FGF14: variants seen among roughly 807,000 people sequenced by gnomAD.
The protein encoded by FGF14 is fibroblast growth factor homologous factor 4.
In FGF14, 5 loss-of-function variants were observed where a neutral mutation model predicts 25.5. The ratio of observed to expected loss-of-function variants is 0.20; its 90% confidence interval spans 0.10 to 0.41. The LOEUF (loss-of-function observed/expected upper bound fraction) is 0.41. FGF14 is among the 10% of genes least tolerant of loss of function. FGF14 has a pLI of 1.00. For missense variants in FGF14, 222 were observed against 320.1 expected (o/e 0.69, Z 2.34); for synonymous variants, 138 against 118.3 (o/e 1.17, Z -1.08).
intron 1 of FGF14, among the ~76,000 whole-genome samples, chr13:102,281,956 T>C (rs2053857188): frequency 6.6e-6 from 1 of 152,140 alleles, no homozygotes; most frequent in South Asian, 2.1e-4. Flanking sequence ...GAAAATCATA[T>C]GTCCGTACTG....
At chr13:102,271,256 T>C (rs1026291969) in intron 1 of FGF14, among the ~76,000 whole-genome samples, 1 of 152,236 alleles carries the variant, frequency 6.6e-6, no homozygotes, top group Non-Finnish European at 1.5e-5. Flanking sequence ...TAACAATTTT[T>C]ATATCTCATA....
chr13:101,888,592 T>C (rs2138867451), intron 1 of FGF14, among the ~76,000 whole-genome samples: 1 of 152,202 alleles, frequency 6.6e-6, no homozygotes, highest in African/African-American at 2.4e-5. Flanking sequence ...AAGCTTACTC[T>C]GTTGCCTTAT....
At chr13:102,051,164 G>A (rs1202734120) in intron 1 of FGF14, among the ~76,000 whole-genome samples, 3 of 152,176 alleles carry the variant, frequency 2.0e-5, no homozygotes, top group Non-Finnish European at 2.9e-5. Context: ...GGGGCCCACA[G>A]TGTGAAACAT....
intron 1 of FGF14, among the ~76,000 whole-genome samples, chr13:102,036,223 A>G (rs2041466059): frequency 6.6e-6 from 1 of 152,160 alleles, no homozygotes; most frequent in Non-Finnish European, 1.5e-5. Context: ...TATGTCCATC[A>G]CATTTCTTAT....
chr13:101,912,369 C>T (rs992591180), intron 1 of FGF14, among the ~76,000 whole-genome samples: 3 of 152,138 alleles, frequency 2.0e-5, no homozygotes, highest in Admixed American at 2.0e-4. Flanking sequence ...CAAGAAACAA[C>T]TGCATTAGCA....
At chr13:101,844,527 A>C (rs114317190) in intron 3 of FGF14, among the ~76,000 whole-genome samples, 2,271 of 152,140 alleles carry the variant, frequency 0.015, 51 homozygotes, top group African/African-American at 0.051. Flanking sequence ...GCTCTCTTAC[A>C]GTATGGCTGA....
intron 1 of FGF14, among the ~76,000 whole-genome samples, chr13:102,000,261 G>A (rs2039416972): frequency 6.6e-6 from 1 of 152,186 alleles, no homozygotes; most frequent in South Asian, 2.1e-4. Flanking sequence ...GGAGCTTGCA[G>A]TGAGCTGAGA....
chr13:101,904,227 C>A (rs1171751119), intron 1 of FGF14, among the ~76,000 whole-genome samples: 1 of 152,194 alleles, frequency 6.6e-6, no homozygotes, highest in Non-Finnish European at 1.5e-5. Context: ...AGGGCTTTAC[C>A]AGCACCGACC....
chr13:102,324,087 G>GAAAAAGA (rs574663833), intron 1 of FGF14, among the ~76,000 whole-genome samples: 47 of 151,748 alleles, frequency 3.1e-4, no homozygotes, highest in African/African-American at 1.1e-3. Context: ...GATTTTATGG[G>GAAAAAGA]AAAAAGAAAG....
intron 1 of FGF14, among the ~76,000 whole-genome samples, chr13:102,082,599 G>A (rs753937809): frequency 6.6e-6 from 1 of 152,152 alleles, no homozygotes; most frequent in Non-Finnish European, 1.5e-5. Context: ...AAATAGACGC[G>A]TACATTCCCA....
At chr13:101,735,584 C>A (rs1266843437) in intron 3 of FGF14, among the ~76,000 whole-genome samples, 6 of 151,870 alleles carry the variant, frequency 4.0e-5, no homozygotes, top group Admixed American at 1.3e-4. Flanking sequence ...CTGTATCCAC[C>A]TTTTCCCCCT....
At chr13:101,843,833 G>A (rs148177206) in intron 3 of FGF14, among the ~76,000 whole-genome samples, 1 of 152,132 alleles carries the variant, frequency 6.6e-6, no homozygotes, top group East Asian at 1.9e-4. Context: ...TGAAATGCAT[G>A]TAAAGAGAGC....
chr13:102,369,253 C>A (rs1177558340), intron 1 of FGF14, among the ~76,000 whole-genome samples: 2 of 152,150 alleles, frequency 1.3e-5, no homozygotes, highest in Admixed American at 6.5e-5. Context: ...CCAGCAATGA[C>A]CAATATGCCC....
chr13:101,757,889 A>C (rs543921904), intron 3 of FGF14, among the ~76,000 whole-genome samples: 1 of 152,346 alleles, frequency 6.6e-6, no homozygotes, highest in South Asian at 2.1e-4. Context: ...AGTGGATTTA[A>C]ATGACAGTAG....
At chr13:102,145,799 C>T (rs1364153396) in intron 1 of FGF14, among the ~76,000 whole-genome samples, 2 of 152,110 alleles carry the variant, frequency 1.3e-5, no homozygotes, top group Non-Finnish European at 2.9e-5. Flanking sequence ...CACAGAAATC[C>T]TCCTACAGGG....
intron 3 of FGF14, among the ~76,000 whole-genome samples, chr13:101,735,395 G>A (rs1427330677): frequency 6.6e-6 from 1 of 152,176 alleles, no homozygotes; most frequent in South Asian, 2.1e-4. Flanking sequence ...ATATATAGAT[G>A]AAAGCAGTAA....
At chr13:102,253,091 C>G (rs2052268107) in intron 1 of FGF14, among the ~76,000 whole-genome samples, 2 of 152,126 alleles carry the variant, frequency 1.3e-5, no homozygotes, top group South Asian at 4.1e-4. Flanking sequence ...TGGGTTGGTT[C>G]CAATTCTTTA....
At chr13:101,943,861 G>C (rs148172400) in intron 1 of FGF14, among the ~76,000 whole-genome samples, 1,763 of 139,214 alleles carry the variant, frequency 0.013, 45 homozygotes, top group African/African-American at 0.053. Flanking sequence ...AATTAGCCAG[G>C]TGTGGTGGCG....
intron 1 of FGF14, among the ~76,000 whole-genome samples, chr13:102,250,970 T>C (rs1486518760): frequency 6.6e-6 from 1 of 152,218 alleles, no homozygotes; most frequent in Non-Finnish European, 1.5e-5. Context: ...ATTAAGCATC[T>C]TACATACACG....
Sources: gnomAD v4.1 joint callset for allele counts (sites outside exome capture counted in the v4.1 genomes callset) on GRCh38, gnomAD v4.1.1 for gene constraint, MANE v1.5 for transcripts, NCBI Gene and HGNC (gene_info 2026-07-23, HGNC 2026-07-21) for gene names.